The following GRM8 variants were observed in gnomAD, a reference collection of about 807,000 sequenced individuals.
GRM8 encodes metabotropic glutamate receptor 8.
Under a neutral mutation model 87.2 loss-of-function variants are expected in GRM8, and 47 were observed. That is an observed-to-expected ratio of 0.54 (90% CI 0.43 to 0.69). The LOEUF (loss-of-function observed/expected upper bound fraction) is 0.69, where lower values mean the gene tolerates loss of function less well. GRM8 is among the 30% of genes least tolerant of loss of function. GRM8 has a pLI of 0.00. For synonymous variants in GRM8, 396 were observed against 404.5 expected, an observed-to-expected ratio of 0.98 and a Z score of 0.25; for missense variants, 1,019 against 1,139.2, an observed-to-expected ratio of 0.89 and a Z score of 1.52.
At position 126,654,730 on chromosome 7, in the gene GRM8, A is replaced by G. The variant is rs1164187080; in HGVS notation, c.1358-45232T>C. On this transcript the variant is annotated intron_variant, in intron 7 of 10. Transcript: ENST00000339582. ...CATTTCTTTTCCCTTCTGTGATCAC[A>G]CCATCTCCCAGGCACAATTTTAGGT... Among the ~76,000 whole-genome samples the G allele has an allele frequency of 2.0e-5, 3 of 152,198 alleles. No individual in the cohort carries two copies. The East Asian group carries it at 5.8e-4, about 29-fold the overall frequency.
At chr7:127,154,178 C>T (rs982743176) in intron 2 of GRM8, among the ~76,000 whole-genome samples, 2 of 152,134 alleles carry the variant, frequency 1.3e-5, no homozygotes, top group African/African-American at 4.8e-5. Context: ...TGTACTCCAG[C>T]TTCCAACTTT....
chr7:127,111,413 T>G (rs533604305), intron 2 of GRM8, among the ~76,000 whole-genome samples: 1 of 152,214 alleles, frequency 6.6e-6, no homozygotes, highest in Non-Finnish European at 1.5e-5. Context: ...AGTTTTTACC[T>G]AACCACCCAG....
At chr7:126,785,087 A>T (rs966108279) in intron 6 of GRM8, among the ~76,000 whole-genome samples, 3 of 152,096 alleles carry the variant, frequency 2.0e-5, no homozygotes, top group Admixed American at 2.0e-4. Flanking sequence ...CACAGGCATG[A>T]TCATAGCACA....
rs17863240 is a variant in GRM8 at position 127,205,011 on chromosome 7, C to T, written c.510+37684G>A. ...GCTGACAGCGGTCACACAGGCAGTA[C>T]CCACTCGTTTCAATAGCCTTCGCCT... On this transcript the variant is annotated intron_variant, in intron 2 of 10. Coordinates refer to ENST00000339582, the MANE Select transcript of GRM8 (RefSeq NM_000845.3). Among the ~76,000 whole-genome samples the T allele has an allele frequency of 3.5e-3, 535 of 152,300 alleles. 1 individual carries two copies. The highest frequency in any genetic ancestry group is 0.01 in the Middle Eastern group (3 of 294).
At chr7:127,124,281 C>G (rs1262044491) in intron 2 of GRM8, among the ~76,000 whole-genome samples, 1 of 152,088 alleles carries the variant, frequency 6.6e-6, no homozygotes, top group East Asian at 1.9e-4. Context: ...TGTATTCAAA[C>G]TGCTCTAAGC....
At chr7:126,544,573 C>T (rs571525219) in intron 8 of GRM8, among the ~76,000 whole-genome samples, 3 of 152,186 alleles carry the variant, frequency 2.0e-5, no homozygotes, top group East Asian at 3.9e-4. Context: ...TGAGGTGACA[C>T]GATCTCAGCT....
At chr7:126,588,255 C>G (rs190988163) in intron 8 of GRM8, among the ~76,000 whole-genome samples, 1 of 152,244 alleles carries the variant, frequency 6.6e-6, no homozygotes, top group Non-Finnish European at 1.5e-5. Flanking sequence ...GTCTTGGATA[C>G]TCAGTAAGAG....
At chr7:126,769,842 GAC>G in intron 7 of GRM8, 21 bp downstream of exon 7, 13 of 1,306,412 alleles carry the variant, frequency 1.0e-5, no homozygotes, top group Non-Finnish European at 1.4e-5. Flanking sequence ...AATGTATTTA[GAC>G]ACACACACGT....
At chr7:126,813,130 T>A (rs937566177) in intron 6 of GRM8, among the ~76,000 whole-genome samples, 1 of 152,066 alleles carries the variant, frequency 6.6e-6, no homozygotes, top group Non-Finnish European at 1.5e-5. Flanking sequence ...TTTACCTATA[T>A]AACCTACGCA....
chr7:126,902,003 CAT>C (rs1802129000), intron 6 of GRM8, among the ~76,000 whole-genome samples: 1 of 145,228 alleles, frequency 6.9e-6, no homozygotes, highest in Non-Finnish European at 1.5e-5. Context: ...TAGTTTTAAT[CAT>C]ATATTCAAAA....
chr7:126,650,531 G>A (rs1585371556), intron 7 of GRM8, among the ~76,000 whole-genome samples: 1 of 152,160 alleles, frequency 6.6e-6, no homozygotes, highest in African/African-American at 2.4e-5. Flanking sequence ...TGCATGGAAG[G>A]AGAAATGGCC....
intron 9 of GRM8, among the ~76,000 whole-genome samples, chr7:126,499,575 T>C (rs1584834131): frequency 6.6e-6 from 1 of 151,914 alleles, no homozygotes; most frequent in East Asian, 1.9e-4. Context: ...ATTTGAGTAT[T>C]TCTACACAGT....
intron 3 of GRM8, among the ~76,000 whole-genome samples, chr7:127,100,717 G>A (rs948317330): frequency 6.6e-6 from 1 of 152,074 alleles, no homozygotes; most frequent in African/African-American, 2.4e-5. Flanking sequence ...ATTACCATGA[G>A]AACAGTATGA....
At chr7:126,910,013 T>A (rs1049876987) in intron 3 of GRM8, among the ~76,000 whole-genome samples, 17 of 152,136 alleles carry the variant, frequency 1.1e-4, no homozygotes, top group African/African-American at 3.9e-4. Context: ...CTTTTTTTTT[T>A]TAAAACCCTG....
chr7:126,939,965 A>G (rs1305190417), intron 3 of GRM8, among the ~76,000 whole-genome samples: 1 of 152,236 alleles, frequency 6.6e-6, no homozygotes. Flanking sequence ...CTAAAAGTAT[A>G]TCTGCAAAGA....
At chr7:126,875,313 G>T (rs1383067790) in intron 6 of GRM8, among the ~76,000 whole-genome samples, 2 of 151,466 alleles carry the variant, frequency 1.3e-5, no homozygotes, top group Non-Finnish European at 2.9e-5. Context: ...ACTGTTAAAG[G>T]GCCAGAATAC....
intron 7 of GRM8, among the ~76,000 whole-genome samples, chr7:126,624,815 T>G (rs767662334): frequency 5.9e-5 from 9 of 152,358 alleles, no homozygotes; most frequent in South Asian, 4.1e-4. Flanking sequence ...TGGTCTTTTC[T>G]CTTCCTAGCT....
chr7:127,026,156 T>A (rs1362366365), intron 3 of GRM8, among the ~76,000 whole-genome samples: 2 of 152,170 alleles, frequency 1.3e-5, no homozygotes, highest in Non-Finnish European at 2.9e-5. Context: ...GCTACATCCA[T>A]GTCCGTGCAA....
chr7:126,806,227 G>C (rs1792685862), intron 6 of GRM8, among the ~76,000 whole-genome samples: 1 of 152,256 alleles, frequency 6.6e-6, no homozygotes, highest in Non-Finnish European at 1.5e-5. Flanking sequence ...TGAAGCTGCA[G>C]ACCTTCCCGG....
Sources: allele counts gnomAD v4.1 joint callset (sites outside exome capture counted in the v4.1 genomes callset), GRCh38; gene constraint gnomAD v4.1.1; transcripts MANE v1.5; gene names NCBI Gene and HGNC (gene_info 2026-07-23, HGNC 2026-07-21).